STXBP4: variants seen among roughly 807,000 people sequenced by gnomAD.
The protein encoded by STXBP4 is syntaxin binding protein 4.
A neutral mutation model predicts 76.1 loss-of-function variants in STXBP4; 55 were observed. The ratio of observed to expected loss-of-function variants is 0.72; its 90% confidence interval spans 0.58 to 0.91. The LOEUF (loss-of-function observed/expected upper bound fraction) is 0.91, where lower values mean the gene tolerates loss of function less well. Among genes scored for constraint, STXBP4 ranks in the 40% least tolerant of loss-of-function variants. The pLI is 0.00. For missense variants in STXBP4, 618 were observed against 636.9 expected (o/e 0.97, Z 0.32); for synonymous variants, 201 against 220.2 (o/e 0.91, Z 0.77).
chr17:55,100,107 T>C (rs906953781), intron 16 of STXBP4, among the ~76,000 whole-genome samples: 1 of 152,160 alleles, frequency 6.6e-6, no homozygotes, highest in Non-Finnish European at 1.5e-5. Context: ...CTTCTGAAAG[T>C]GGATCATTAG....
intron 13 of STXBP4, among the ~76,000 whole-genome samples, chr17:55,074,847 A>G (rs1598288567): frequency 6.6e-6 from 1 of 152,060 alleles, no homozygotes; most frequent in African/African-American, 2.4e-5. Flanking sequence ...GAGCATCTCA[A>G]CATTCAACAT....
chr17:55,052,795 C>T (rs1274930339), intron 12 of STXBP4, among the ~76,000 whole-genome samples: 1 of 150,698 alleles, frequency 6.6e-6, no homozygotes, highest in Non-Finnish European at 1.5e-5. Flanking sequence ...ACTACAACAT[C>T]ACCTGTGTAA....
the STXBP4 span, among the ~76,000 whole-genome samples, chr17:55,208,557 G>GGGAGGGAGGGAA: frequency 4.4e-5 from 6 of 137,802 alleles, no homozygotes; most frequent in Admixed American, 1.4e-4. Context: ...AAGGAAGCAA[G>GGGAGGGAGGGAA]GAAGGAAGGG....
chr17:54,990,591 G>C lies in STXBP4; in HGVS notation c.48-234G>C, dbSNP rs553098055. 4.6e-5 allele frequency among the ~76,000 whole-genome samples: 7 copies of C among 152,162 alleles called. No homozygotes were observed. In the South Asian group the frequency reaches 8.3e-4, roughly 18 times the overall value. On this transcript the variant is annotated intron_variant, in intron 3 of 17. Transcript: ENST00000376352. ...TTATATATTACAATGTAATAATAAA[G>C]TGCACAAGAAATGTAGTGCATTTGA...
At chr17:55,157,922 C>A (rs1359990838) in intron 17 of STXBP4, among the ~76,000 whole-genome samples, 2 of 152,112 alleles carry the variant, frequency 1.3e-5, no homozygotes, top group African/African-American at 4.8e-5. Flanking sequence ...AGATATGTTA[C>A]TTTGAGTAAT....
intron 16 of STXBP4, among the ~76,000 whole-genome samples, chr17:55,116,516 G>T (rs2079781991): frequency 1.3e-5 from 2 of 151,768 alleles, no homozygotes; most frequent in African/African-American, 2.4e-5. Flanking sequence ...GGGATTTCCA[G>T]ATTAAAGATT....
chr17:55,148,924 T>C (rs2080185915), intron 17 of STXBP4, among the ~76,000 whole-genome samples: 1 of 152,206 alleles, frequency 6.6e-6, no homozygotes. Flanking sequence ...AATGAGGAAA[T>C]GTCTACTGAC....
At chr17:54,993,174 C>T (rs561385931) in intron 4 of STXBP4, among the ~76,000 whole-genome samples, 77 of 152,252 alleles carry the variant, frequency 5.1e-4, no homozygotes, top group South Asian at 1.2e-3. Context: ...TCTACTTTTT[C>T]TTGTTAGAAT....
At chr17:55,111,077 A>G (rs181792096) in intron 16 of STXBP4, among the ~76,000 whole-genome samples, 14 of 152,308 alleles carry the variant, frequency 9.2e-5, no homozygotes, top group Non-Finnish European at 1.6e-4. Flanking sequence ...AGCTTAAACT[A>G]GAATAGTGAA....
At chr17:55,064,587 G>A (rs1470189075) in intron 12 of STXBP4, among the ~76,000 whole-genome samples, 4 of 152,044 alleles carry the variant, frequency 2.6e-5, no homozygotes, top group African/African-American at 4.8e-5. Flanking sequence ...TCCAGCTCCC[G>A]GGTTCAAGCG....
intron 12 of STXBP4, among the ~76,000 whole-genome samples, chr17:55,052,097 C>A (rs1302707620): frequency 6.6e-6 from 1 of 152,118 alleles, no homozygotes; most frequent in Non-Finnish European, 1.5e-5. Context: ...GGCTAAGAAA[C>A]AGACACCCTA....
At chr17:54,980,386 C>T (rs9903146) in intron 1 of STXBP4, among the ~76,000 whole-genome samples, 42,687 of 152,080 alleles carry the variant, frequency 0.28, 6,249 homozygotes, top group African/African-American at 0.35. Context: ...GACTACAAGT[C>T]GTCCAGGTTC....
chr17:55,088,820 A>C (rs1466696081), intron 16 of STXBP4, among the ~76,000 whole-genome samples: 2 of 152,138 alleles, frequency 1.3e-5, no homozygotes, highest in Non-Finnish European at 1.5e-5. Flanking sequence ...ATGAACCCCG[A>C]CCTAGGACTC....
At chr17:55,213,115 A>G in the STXBP4 span, among the ~76,000 whole-genome samples, 2 of 152,194 alleles carry the variant, frequency 1.3e-5, no homozygotes, top group East Asian at 1.9e-4. Context: ...AGCAGAGAGT[A>G]GATGCGGTGG....
At chr17:55,115,199 C>T (rs1451379397) in intron 16 of STXBP4, among the ~76,000 whole-genome samples, 1 of 151,816 alleles carries the variant, frequency 6.6e-6, no homozygotes, top group African/African-American at 2.4e-5. Flanking sequence ...AAACAGACCA[C>T]TGTAGGTTTT....
intron 16 of STXBP4, among the ~76,000 whole-genome samples, chr17:55,136,190 A>G (rs1199608071): frequency 6.6e-6 from 1 of 152,142 alleles, no homozygotes; most frequent in East Asian, 1.9e-4. Flanking sequence ...AACATAGTTG[A>G]TTGTTAGGGC....
intron 3 of STXBP4, among the ~76,000 whole-genome samples, chr17:54,990,544 T>C (rs1339652192): frequency 6.6e-6 from 1 of 152,146 alleles, no homozygotes; most frequent in African/African-American, 2.4e-5. Context: ...TCTACATTAT[T>C]GTGAATTGTA....
chr17:55,132,003 G>A (rs2079978640), intron 16 of STXBP4, among the ~76,000 whole-genome samples: 1 of 152,086 alleles, frequency 6.6e-6, no homozygotes, highest in South Asian at 2.1e-4. Flanking sequence ...GGTTACAAAT[G>A]TGAGCCACTG....
Position 54,990,752 on chromosome 17 carries a change from A to G in STXBP4, c.48-73A>G, listed in dbSNP as rs572865548. On this transcript the variant is annotated intron_variant, in intron 3 of 17. Transcript: ENST00000376352. ...GCTCTAGATCTCAGATTTTGATTTA[A>G]TAAGTAGTTTAAAGAAAAAAATAGG... is the stretch of plus-strand genomic sequence containing the variant. 140 of 1,493,616 alleles carry G rather than the reference A, an allele frequency of 9.4e-5. 2 individuals are homozygous for G. The East Asian group carries it at 3.6e-3, about 38-fold the overall frequency. The allele number at this position is 1,493,616 out of a possible 1,614,324, so 92.5% of individuals were successfully genotyped here. A position where few individuals can be genotyped will look rare whatever the true frequency, so the allele number is the denominator to read the frequency against.
Sources: allele counts gnomAD v4.1 joint callset (sites outside exome capture counted in the v4.1 genomes callset), GRCh38; gene constraint gnomAD v4.1.1; transcripts MANE v1.5; gene names NCBI Gene and HGNC (gene_info 2026-07-23, HGNC 2026-07-21).